SEC14L1: variants seen among roughly 807,000 people sequenced by gnomAD.
SEC14L1 encodes SEC14-like protein 1.
In SEC14L1, 48 loss-of-function variants were observed where a neutral mutation model predicts 85.3. The observed-to-expected ratio is 0.56, with a 90% CI of 0.45 to 0.72. The LOEUF is 0.72. Among genes scored for constraint, SEC14L1 ranks in the 30% least tolerant of loss-of-function variants. The pLI, the probability that SEC14L1 is intolerant of heterozygous loss-of-function variation, is 0.00. For missense variants in SEC14L1, 682 were observed against 921.4 expected (o/e 0.74, Z 3.36); for synonymous variants, 391 against 355.5 (o/e 1.10, Z -1.12).
chr17:77,110,470 T>C (rs867299080), intron 3 of SEC14L1, among the ~76,000 whole-genome samples: 1 of 152,168 alleles, frequency 6.6e-6, no homozygotes, highest in Non-Finnish European at 1.5e-5. Context: ...TGAGTGACCA[T>C]GGCCAGAGAC....
Position 77,216,156 on chromosome 17 carries a change from A to G in SEC14L1, c.*2133A>G, listed in dbSNP as rs1370455377. The G allele has an allele frequency of 1.0e-6, 1 of 974,130 alleles. No individual in the cohort carries two copies. Among genetic ancestry groups the G allele is most frequent in the Non-Finnish European group, 1.2e-6 (1 of 819,870 alleles). 60.3% of individuals were successfully genotyped at this position (974,130 alleles called of 1,614,324 possible). ...GGGCTAGTAGGTAGGGTTCGTAGGT[A>G]GGGTTCGTAGGTAGGGCTAGTAGGT... On this transcript the variant is annotated 3_prime_UTR_variant, in exon 17 of 17. Coordinates refer to ENST00000436233, the MANE Select transcript of SEC14L1 (RefSeq NM_001143998.2).
chr17:77,203,315 C>T (rs891976606), intron 9 of SEC14L1, among the ~76,000 whole-genome samples: 3 of 152,176 alleles, frequency 2.0e-5, no homozygotes, highest in African/African-American at 7.2e-5. Context: ...CATCCCGGCA[C>T]AGCCTTCTAT....
Position 77,214,073 on chromosome 17 carries a change from G to C in SEC14L1, c.*50G>C. ...GCAGAGGGGACGGCCGCCCCTCCTC[G>C]GACAGCCAGCTGCACCCGCCCACCC... On this transcript the variant is annotated 3_prime_UTR_variant, in exon 17 of 17. Transcript: ENST00000436233. The C allele has an allele frequency of 6.3e-7, 1 of 1,581,706 alleles. No individual in the cohort carries two copies. The highest frequency in any genetic ancestry group is 8.6e-7 in the Non-Finnish European group (1 of 1,162,892).
chr17:77,138,217 G>A (rs948933675), upstream of SEC14L1, among the ~76,000 whole-genome samples: 2 of 152,172 alleles, frequency 1.3e-5, no homozygotes, highest in Non-Finnish European at 2.9e-5. Flanking sequence ...CTTAGGAGCA[G>A]TTTAGGGAGG....
At chr17:77,200,289 C>T (rs1976063394) in intron 8 of SEC14L1, among the ~76,000 whole-genome samples, 195 bp from the exon 9 acceptor site, 1 of 152,056 alleles carries the variant, frequency 6.6e-6, no homozygotes, top group Admixed American at 6.5e-5. Context: ...CCTGCTTCAG[C>T]CTCCGAGTAG....
intron 3 of SEC14L1, among the ~76,000 whole-genome samples, chr17:77,180,049 TTA>T (rs528951530): frequency 4.1e-4 from 7 of 16,910 alleles, no homozygotes; most frequent in African/African-American, 8.6e-4. Context: ...TTTTGTTTTG[TTA>T]TGTTATGTTA....
rs1187615395 is a variant in SEC14L1, at chr17:77,213,530, C to G, written c.2042+38C>G. On this transcript the variant is annotated intron_variant, in intron 16 of 16. Transcript: ENST00000436233. The surrounding 1 kb of genome is among the most constrained non-coding windows in gnomAD (Gnocchi z 7.1). ...TCGCCACAGCAGGTGCTGCGGACAGCTGGGCATGGTTGGAGGGAGCCTGCA... is the reference window on the plus strand; with the variant it reads ...TCGCCACAGCAGGTGCTGCGGACAGGTGGGCATGGTTGGAGGGAGCCTGCA... 1.3e-6 allele frequency: 2 copies of G among 1,599,572 alleles called. No individual in the cohort carries two copies. Among genetic ancestry groups the G allele is most frequent in the Non-Finnish European group, 1.7e-6 (2 of 1,178,930 alleles).
At position 77,190,923 on chromosome 17, in the gene SEC14L1, G is replaced by C. The variant is rs773555679; in HGVS notation, c.184G>C (p.Asp62His). 3 of 1,614,222 alleles carry C rather than the reference G, an allele frequency of 1.9e-6. No homozygotes were observed. The highest frequency in any genetic ancestry group is 1.1e-5 in the South Asian group (1 of 91,088). ...IHVIERRCKL[D>H]VDAPRLLKKI... ...TGTCATTGAAAGGCGCTGCAAGCTG[G>C]ATGTAGATGCACCCAGACTGCTGAA... is the stretch of plus-strand genomic sequence containing the variant. Residue 62 changes from aspartate to histidine, a missense_variant, in exon 4 of 17, where the codon GAT (aspartate) becomes CAT (histidine). By Grantham distance (81) the Asp-to-His change is moderately conservative (BLOSUM62 -1). This residue lies in a region of SEC14L1 where 139 missense variants were observed against 201.3 expected (regional missense o/e 0.69). Coordinates refer to ENST00000436233, the MANE Select transcript of SEC14L1 (RefSeq NM_001143998.2).
At chr17:77,203,017 C>T (rs1179604669) in intron 9 of SEC14L1, among the ~76,000 whole-genome samples, 1 of 150,924 alleles carries the variant, frequency 6.6e-6, no homozygotes, top group African/African-American at 2.4e-5. Context: ...TCTCATTTGT[C>T]TTGGTCCTTA....
intron 2 of SEC14L1, among the ~76,000 whole-genome samples, chr17:77,090,349 G>A (rs969059348): frequency 2.6e-5 from 4 of 151,778 alleles, no homozygotes; most frequent in East Asian, 2.0e-4. Flanking sequence ...GGAAGGGAAC[G>A]TAAGAACATA....
chr17:77,177,184 G>A (rs1598349172), intron 3 of SEC14L1, among the ~76,000 whole-genome samples: 2 of 151,642 alleles, frequency 1.3e-5, no homozygotes, highest in African/African-American at 4.9e-5. Context: ...CAGTGCTGAA[G>A]GACAAATGTA....
In SEC14L1 at chr17:77,209,399, C is replaced by CT. The variant is rs1307957350; in HGVS notation, c.1535dup (p.Glu513GlyfsTer10). ...ATCTCTGTACCGGACTGCAGAGGAG[C>CT]TGGAGAACGAAGACCTGAAGCTCTG... is the stretch of plus-strand genomic sequence containing the variant. On this transcript the variant is annotated frameshift_variant, in exon 14 of 17. Coordinates refer to ENST00000436233, the MANE Select transcript of SEC14L1 (RefSeq NM_001143998.2). LOFTEE classifies it high-confidence loss of function. 1 of 1,614,182 alleles carries CT rather than the reference C, an allele frequency of 6.2e-7. No individual in the cohort carries two copies. Among genetic ancestry groups the CT allele is most frequent in the Non-Finnish European group, 8.5e-7 (1 of 1,180,028 alleles).
intron 3 of SEC14L1, among the ~76,000 whole-genome samples, chr17:77,154,544 G>T (rs188183618): frequency 6.6e-6 from 1 of 152,210 alleles, no homozygotes; most frequent in Admixed American, 6.5e-5. Context: ...AGGGACTGGG[G>T]CATCCACAGG....
chr17:77,128,456 TTATG>T (rs1972518955), intron 3 of SEC14L1, among the ~76,000 whole-genome samples: 2 of 119,656 alleles, frequency 1.7e-5, no homozygotes, highest in East Asian at 4.2e-4. Context: ...TTTTATTTTA[TTATG>T]TTTTTTTTTT....
At chr17:77,130,885 C>T (rs1365704552) in intron 3 of SEC14L1, among the ~76,000 whole-genome samples, 1 of 152,216 alleles carries the variant, frequency 6.6e-6, no homozygotes, top group African/African-American at 2.4e-5. Context: ...GGTTTACAGA[C>T]TGCCTAGCCT....
At chr17:77,121,323 T>G (rs1430605714) in intron 3 of SEC14L1, among the ~76,000 whole-genome samples, 1 of 152,166 alleles carries the variant, frequency 6.6e-6, no homozygotes, top group Non-Finnish European at 1.5e-5. Flanking sequence ...GGCAAATATT[T>G]TGAATAATGG....
At chr17:77,098,195 G>A (rs1006600582) in intron 3 of SEC14L1, among the ~76,000 whole-genome samples, 6 of 152,190 alleles carry the variant, frequency 3.9e-5, no homozygotes, top group East Asian at 3.9e-4. Context: ...GGTAGTTTAC[G>A]TTAGAAGTAT....
At chr17:77,152,983 TCCTTA>T (rs1973631330) in intron 3 of SEC14L1, among the ~76,000 whole-genome samples, 1 of 152,212 alleles carries the variant, frequency 6.6e-6, no homozygotes, top group African/African-American at 2.4e-5. Flanking sequence ...ATTTAATTGT[TCCTTA>T]CAGCAAATAG....
chr17:77,205,483 A>G (rs1976418588), intron 11 of SEC14L1, 137 bp downstream of exon 11: 1 of 765,806 alleles, frequency 1.3e-6, no homozygotes, highest in Admixed American at 2.2e-5. Context: ...AACATGTAAT[A>G]TGCCAGTGAC....
Sources: allele counts gnomAD v4.1 joint callset (sites outside exome capture counted in the v4.1 genomes callset), GRCh38; gene constraint gnomAD v4.1.1; regional missense constraint gnomAD v4.1.1; non-coding constraint Gnocchi (gnomAD v3.1); transcripts MANE v1.5; gene names NCBI Gene and HGNC (gene_info 2026-07-23, HGNC 2026-07-21).